Variants in OGFOD3 observed in about 807,000 individuals in gnomAD.
OGFOD3 encodes the protein 2-oxoglutarate and iron dependent oxygenase domain containing 3, also known as 2-oxoglutarate and iron-dependent oxygenase domain-containing protein 3.
A neutral mutation model predicts 39.8 loss-of-function variants in OGFOD3; 35 were observed. The ratio of observed to expected loss-of-function variants is 0.88; its 90% confidence interval spans 0.67 to 1.17. The LOEUF is 1.17. Ranked by LOEUF, OGFOD3 falls within the 50% of genes most tolerant of loss-of-function variation. OGFOD3 has a pLI of 0.00. For synonymous variants in OGFOD3, 200 were observed against 192.0 expected, an observed-to-expected ratio of 1.04 and a Z score of -0.34; for missense variants, 438 against 454.5, an observed-to-expected ratio of 0.96 and a Z score of 0.33.
intron 7 of OGFOD3, among the ~76,000 whole-genome samples, chr17:82,403,606 G>A (rs1283118290): frequency 6.6e-6 from 1 of 152,150 alleles, no homozygotes; most frequent in Non-Finnish European, 1.5e-5. Flanking sequence ...ACTCCATCCT[G>A]GGCGACAGAG....
Position 82,418,419 on chromosome 17 carries a change from G to T in OGFOD3, c.67C>A (p.Arg23=), listed in dbSNP as rs1275551612. The part of the protein sequence containing the change: ...EGNGAAERRN[R]SSTKKDRAPR... Reference sequence around the variant, plus strand: ...TCCCCTCCTCACCGCTACCTGCTCCGGTTCCGGCGCTCGGCCGCTCCGTTG... The same window carrying T: ...TCCCCTCCTCACCGCTACCTGCTCCTGTTCCGGCGCTCGGCCGCTCCGTTG... The change falls in exon 1 of 9, where the codon CGG becomes AGG. Residue 23 remains arginine (R), a synonymous_variant. Coordinates refer to ENST00000313056, the MANE Select transcript of OGFOD3 (RefSeq NM_024648.3). The T allele has an allele frequency of 4.1e-6, 6 of 1,478,808 alleles. No homozygotes were observed. Among genetic ancestry groups the T allele is most frequent in the Non-Finnish European group, 5.4e-6 (6 of 1,120,434 alleles). The allele number at this position is 1,478,808 out of a possible 1,614,324, so 91.6% of individuals were successfully genotyped here.
Position 82,415,043 on chromosome 17 carries a change from AG to A in OGFOD3, c.304+354del, listed in dbSNP as rs2053010683. Among the ~76,000 whole-genome samples the A allele has an allele frequency of 6.6e-6, 1 of 152,226 alleles. No individual in the cohort carries two copies. The highest frequency in any genetic ancestry group is 2.4e-5 in the African/African-American group (1 of 41,464). On this transcript the variant is annotated intron_variant, in intron 2 of 8. Transcript: ENST00000313056. The surrounding 1 kb of genome is among the most constrained non-coding windows in gnomAD (Gnocchi z 5.3). ...GGGAGCTGGGGCACAGGACGGCAGA[AG>A]GGCTGCTGGTCGTTTCTTGTTACAT...
Position 82,406,336 on chromosome 17 carries a change from G to T in OGFOD3, c.488+82C>A. 1 of 1,279,630 alleles carries T rather than the reference G, an allele frequency of 7.8e-7. No individual in the cohort carries two copies. The highest frequency in any genetic ancestry group is 1.1e-6 in the Non-Finnish European group (1 of 881,342). The allele number at this position is 1,279,630 out of a possible 1,614,324, so 79.3% of individuals were successfully genotyped here. On this transcript the variant is annotated intron_variant, in intron 5 of 8. Transcript: ENST00000313056. This position sits in a 1 kb window ranked among gnomAD's most constrained non-coding sequence, Gnocchi z 5.2. ...CGGATCCTCCCTCACATGTCCACGT[G>T]TCCACATGTCCATGGCTAAGAGGCA... is the stretch of plus-strand genomic sequence containing the variant.
intron 7 of OGFOD3, among the ~76,000 whole-genome samples, chr17:82,399,641 G>A (rs1301552576): frequency 6.6e-6 from 1 of 152,036 alleles, no homozygotes; most frequent in Non-Finnish European, 1.5e-5. Flanking sequence ...CCCCAGTCCT[G>A]CCCTCTCCAT....
chr17:82,404,528 T>C lies in OGFOD3; in HGVS notation c.546-438A>G, dbSNP rs2052822761. ...GGGTGTCGAGCCTGCTAAGTGTGGATGGGGTGTCTGTACTGGGGACAAAGG... is the reference window on the plus strand; with the variant it reads ...GGGTGTCGAGCCTGCTAAGTGTGGACGGGGTGTCTGTACTGGGGACAAAGG... On this transcript the variant is annotated intron_variant, in intron 6 of 8. Coordinates refer to ENST00000313056, the MANE Select transcript of OGFOD3 (RefSeq NM_024648.3). This position sits in a 1 kb window ranked among gnomAD's most constrained non-coding sequence, Gnocchi z 4.5. 6.6e-6 allele frequency among the ~76,000 whole-genome samples: 1 copy of C among 151,720 alleles called. No homozygotes were observed. Among genetic ancestry groups the C allele is most frequent in the South Asian group, 2.1e-4 (1 of 4,792 alleles).
rs1276636187 is a variant in OGFOD3 at position 82,406,575 on chromosome 17, G to C, written c.424-93C>G. 4.7e-6 allele frequency: 5 copies of C among 1,061,920 alleles called. No individual in the cohort carries two copies. The East Asian group carries it at 1.2e-4, about 25-fold the overall frequency. 65.8% of individuals were successfully genotyped at this position (1,061,920 alleles called of 1,614,324 possible). A position where few individuals can be genotyped will look rare whatever the true frequency, so the allele number is the denominator to read the frequency against. ...TGGTAAATGCGAGTTTCCAAGGTCT[G>C]GCCAGCACACACCTCAGGTGTTTTT... On this transcript the variant is annotated intron_variant, in intron 4 of 8. Transcript: ENST00000313056. This position sits in a 1 kb window ranked among gnomAD's most constrained non-coding sequence, Gnocchi z 5.2.
intron 7 of OGFOD3, chr17:82,400,942 C>A: frequency 6.6e-6 from 1 of 152,204 alleles, no homozygotes; most frequent in Non-Finnish European, 1.5e-5. Context: ...CCGGGAGCGA[C>A]CGGACCAGGG....
At chr17:82,418,226 C>T in intron 1 of OGFOD3, 186 bp downstream of exon 1, 1 of 437,246 alleles carries the variant, frequency 2.3e-6, no homozygotes, top group Non-Finnish European at 4.0e-6. Context: ...CGGCTCCCGC[C>T]CGCACCTGCC....
At chr17:82,407,569 G>C (rs984094448) in intron 4 of OGFOD3, among the ~76,000 whole-genome samples, 1 of 152,268 alleles carries the variant, frequency 6.6e-6, no homozygotes. Flanking sequence ...CCTTCCCTAC[G>C]TCCTCAGAGG....
At chr17:82,393,794 C>A (rs1299579359) in intron 8 of OGFOD3, 6 of 152,112 alleles carry the variant, frequency 3.9e-5, no homozygotes, top group African/African-American at 1.4e-4. Context: ...CAGGAGGCTG[C>A]CAGCATTCAG....
At chr17:82,411,306 C>T in intron 3 of OGFOD3, 149 bp downstream of exon 3, 1 of 671,938 alleles carries the variant, frequency 1.5e-6, no homozygotes, top group Admixed American at 2.6e-5. Context: ...CTCAGCCTCC[C>T]CAAGTGCTGG....
Position 82,405,237 on chromosome 17 carries a change from G to A in OGFOD3, c.545+87C>T, listed in dbSNP as rs373270763. 4.2e-6 allele frequency: 5 copies of A among 1,181,576 alleles called. No individual in the cohort carries two copies. The African/African-American group carries it at 6.0e-5, about 14-fold the overall frequency. 73.2% of individuals were successfully genotyped at this position (1,181,576 alleles called of 1,614,324 possible). A position where few individuals can be genotyped will look rare whatever the true frequency, so the allele number is the denominator to read the frequency against. On this transcript the variant is annotated intron_variant, in intron 6 of 8. Transcript: ENST00000313056. ...CCCTGGCCCCTGGGCCTCTCCGTGGGGCCTCCCCGGACCGGCCAGCTCTGC... is the reference window on the plus strand; with the variant it reads ...CCCTGGCCCCTGGGCCTCTCCGTGGAGCCTCCCCGGACCGGCCAGCTCTGC...
At chr17:82,408,965 G>A (rs1272554482) in intron 4 of OGFOD3, among the ~76,000 whole-genome samples, 2 of 152,174 alleles carry the variant, frequency 1.3e-5, no homozygotes, top group African/African-American at 4.8e-5. Context: ...GTTGCAGCGT[G>A]TCTGTCCCAC....
intron 8 of OGFOD3, chr17:82,396,994 C>T (rs66842398): frequency 0.22 from 33,009 of 152,102 alleles, 3,957 homozygotes; most frequent in South Asian, 0.39. Flanking sequence ...CTGGCTACAG[C>T]GGGAACTGTC....
chr17:82,401,494 G>A (rs2052762899), intron 7 of OGFOD3: 2 of 152,006 alleles, frequency 1.3e-5, no homozygotes, highest in South Asian at 2.1e-4. Flanking sequence ...GGCAGATGCT[G>A]ATTGCAGATT....
intron 7 of OGFOD3, among the ~76,000 whole-genome samples, chr17:82,401,918 C>A (rs2052773721): frequency 6.6e-6 from 1 of 151,802 alleles, no homozygotes; most frequent in Non-Finnish European, 1.5e-5. Context: ...TCACAGCGGG[C>A]ATGGTGGGGC....
Position 82,402,195 on chromosome 17 carries a change from G to A in OGFOD3, c.699+1742C>T, listed in dbSNP as rs573884472. 2.0e-5 allele frequency among the ~76,000 whole-genome samples: 3 copies of A among 152,260 alleles called. 1 individual carries two copies. In the South Asian group the frequency reaches 6.2e-4, roughly 32 times the overall value. On this transcript the variant is annotated intron_variant, in intron 7 of 8. Coordinates refer to ENST00000313056, the MANE Select transcript of OGFOD3 (RefSeq NM_024648.3). Reference sequence around the variant, plus strand: ...CACACCTGTAATCCCAGCACTTTGGGAGGCCGAGGCAGGTGGATTGCTTGA... The same window carrying A: ...CACACCTGTAATCCCAGCACTTTGGAAGGCCGAGGCAGGTGGATTGCTTGA...
chr17:82,409,471 G>A (rs2052910294), intron 3 of OGFOD3, 61 bp from the exon 4 acceptor site: 1 of 1,518,798 alleles, frequency 6.6e-7, no homozygotes, highest in Non-Finnish European at 9.1e-7. Flanking sequence ...TATAATCTAG[G>A]CAAACGTCAA....
At chr17:82,394,662 C>T (rs915430545) in intron 8 of OGFOD3, 16 of 713,654 alleles carry the variant, frequency 2.2e-5, no homozygotes, top group Non-Finnish European at 3.4e-5. Flanking sequence ...GGGGGGACCT[C>T]TGAGCCCTCA....
Sources: gnomAD v4.1 joint callset for allele counts (sites outside exome capture counted in the v4.1 genomes callset) on GRCh38, gnomAD v4.1.1 for gene constraint, Gnocchi (gnomAD v3.1) non-coding constraint, MANE v1.5 for transcripts, NCBI Gene and HGNC (gene_info 2026-07-23, HGNC 2026-07-21) for gene names.